The following MTFR1 variants were observed in gnomAD, a reference collection of about 807,000 sequenced individuals.
The protein encoded by MTFR1 is chondrocyte protein with a poly-proline region.
MTFR1 carries 28 observed loss-of-function variants against 38.8 expected under a neutral mutation model. That is an observed-to-expected ratio of 0.72 (90% confidence interval 0.53 to 0.99). The LOEUF (loss-of-function observed/expected upper bound fraction) is 0.99, where lower values mean the gene tolerates loss of function less well. MTFR1 is among the 50% of genes least tolerant of loss of function. MTFR1 has a pLI of 0.00. For missense variants in MTFR1, 358 were observed against 395.5 expected (o/e 0.91, Z 0.81); for synonymous variants, 145 against 137.0 (o/e 1.06, Z -0.41).
At position 65,670,010 on chromosome 8, in the gene MTFR1, A is replaced by G. The variant is rs1424935247; in HGVS notation, c.58A>G (p.Met20Val). The G allele has an allele frequency of 1.2e-6, 2 of 1,604,602 alleles. No individual in the cohort carries two copies. Among genetic ancestry groups the G allele is most frequent in the Non-Finnish European group, 1.7e-6 (2 of 1,178,158 alleles). The part of the protein sequence containing the change: ...RMVFQQVGVS[M>V]QSVLWSRKPY... ...GGTTTTTCAACAAGTTGGAGTAAGCATGCAATCGGTGAGTGCTCAAAATTC... is the reference window on the plus strand; with the variant it reads ...GGTTTTTCAACAAGTTGGAGTAAGCGTGCAATCGGTGAGTGCTCAAAATTC... Residue 20 changes from methionine to valine, a missense_variant, in exon 2 of 8, where the codon ATG becomes GTG. Met to Val is a conservative substitution (Grantham distance 21, BLOSUM62 1). Transcript: ENST00000262146.
At chr8:65,729,364 CTTTTTT>C (rs10540107) in intron 3 of MTFR1, among the ~76,000 whole-genome samples, 36 of 80,078 alleles carry the variant, frequency 4.5e-4, no homozygotes, top group Non-Finnish European at 6.0e-4. Context: ...TTGGTGGTAG[CTTTTTT>C]TTTTTTTTTT....
downstream of MTFR1, among the ~76,000 whole-genome samples, chr8:65,774,846 C>G (rs563770040): frequency 6.6e-6 from 1 of 152,086 alleles, no homozygotes; most frequent in Non-Finnish European, 1.5e-5. Context: ...TGCTAATACA[C>G]TGAATTTACT....
chr8:65,669,898 A>G lies in MTFR1; in HGVS notation c.-55A>G. On this transcript the variant is annotated 5_prime_UTR_variant, in exon 2 of 8. It removes an upstream start codon present in the reference 5' UTR. Transcript: ENST00000262146. ...TGTGTTTTATGGACCATGTGCTGCT[A>G]TGTATGCCTGAAGAAGTACTTGAAA... The G allele has an allele frequency of 7.3e-7, 1 of 1,364,476 alleles. No individual in the cohort carries two copies. Among genetic ancestry groups the G allele is most frequent in the Non-Finnish European group, 1.0e-6 (1 of 964,652 alleles). The allele number at this position is 1,364,476 out of a possible 1,614,324, so 84.5% of individuals were successfully genotyped here.
At chr8:65,736,481 A>G (rs1321513197) in intron 3 of MTFR1, among the ~76,000 whole-genome samples, 3 of 152,166 alleles carry the variant, frequency 2.0e-5, no homozygotes, top group Non-Finnish European at 2.9e-5. Flanking sequence ...GGCCAGGTGC[A>G]CTGCCTCACA....
chr8:65,762,251 C>G (rs1808534126), intron 3 of MTFR1, among the ~76,000 whole-genome samples: 1 of 152,114 alleles, frequency 6.6e-6, no homozygotes, highest in Non-Finnish European at 1.5e-5. Flanking sequence ...TCAAAAAGAA[C>G]AGGAGTGGTA....
chr8:65,708,203 CT>C, intron 7 of MTFR1, 192 bp downstream of exon 7: 2 of 1,112,682 alleles, frequency 1.8e-6, no homozygotes, highest in Non-Finnish European at 2.5e-6. Context: ...AGCATTTACA[CT>C]TTTACTTTTC....
At chr8:65,663,827 T>C (rs1368659433) in intron 1 of MTFR1, among the ~76,000 whole-genome samples, 14 of 142,840 alleles carry the variant, frequency 9.8e-5, no homozygotes, top group African/African-American at 2.3e-4. Flanking sequence ...CTTTTCTTTT[T>C]TTTTTTTTTT....
At chr8:65,667,752 C>G (rs1350086960) in intron 1 of MTFR1, among the ~76,000 whole-genome samples, 1 of 152,126 alleles carries the variant, frequency 6.6e-6, no homozygotes, top group Admixed American at 6.6e-5. Flanking sequence ...TCTAAAACAA[C>G]TATTCTACCA....
intron 4 of MTFR1, among the ~76,000 whole-genome samples, chr8:65,700,183 T>G (rs1265748604): frequency 2.0e-5 from 3 of 151,550 alleles, no homozygotes; most frequent in Non-Finnish European, 4.4e-5. Context: ...AAACCCCATC[T>G]CTACAAAAAA....
At chr8:65,758,637 T>C (rs946634566) in intron 3 of MTFR1, among the ~76,000 whole-genome samples, 3 of 152,228 alleles carry the variant, frequency 2.0e-5, no homozygotes, top group Non-Finnish European at 4.4e-5. Context: ...AGTGTTTCAA[T>C]TGCCATTTCT....
intron 3 of MTFR1, among the ~76,000 whole-genome samples, chr8:65,760,489 G>A (rs1051427653): frequency 6.6e-6 from 1 of 152,148 alleles, no homozygotes; most frequent in Non-Finnish European, 1.5e-5. Flanking sequence ...GAATAGGAGT[G>A]CACTTCAATA....
At chr8:65,740,409 T>G (rs1807362425) in intron 3 of MTFR1, among the ~76,000 whole-genome samples, 1 of 152,124 alleles carries the variant, frequency 6.6e-6, no homozygotes, top group African/African-American at 2.4e-5. Flanking sequence ...TTTCCTTTTC[T>G]TTCTTTTTTG....
chr8:65,675,287 C>T (rs1031008976), intron 2 of MTFR1, among the ~76,000 whole-genome samples: 10 of 150,076 alleles, frequency 6.7e-5, no homozygotes, highest in East Asian at 2.0e-4. Context: ...AGCAAGACTC[C>T]GTCTCAAAAA....
downstream of MTFR1, among the ~76,000 whole-genome samples, chr8:65,772,395 A>T (rs1396628919): frequency 6.6e-6 from 1 of 152,214 alleles, no homozygotes; most frequent in Non-Finnish European, 1.5e-5. Flanking sequence ...GTACCTCTGA[A>T]GGTTTAAACA....
intron 1 of MTFR1, among the ~76,000 whole-genome samples, chr8:65,646,757 A>G (rs1808974366): frequency 1.3e-5 from 2 of 152,242 alleles, no homozygotes; most frequent in African/African-American, 4.8e-5. Context: ...AGGAAAATAT[A>G]CATCAATGAA....
intron 2 of MTFR1, among the ~76,000 whole-genome samples, chr8:65,673,521 G>A (rs1457730272): frequency 2.6e-5 from 4 of 151,716 alleles, no homozygotes; most frequent in Non-Finnish European, 5.9e-5. Flanking sequence ...GGGTTGATGG[G>A]TGCAGCAAAC....
chr8:65,736,868 G>A (rs1807161565), intron 3 of MTFR1, among the ~76,000 whole-genome samples: 1 of 139,310 alleles, frequency 7.2e-6, no homozygotes, highest in South Asian at 2.4e-4. Context: ...TCATTTGGCT[G>A]TACATTCTTG....
At chr8:65,704,471 G>A (rs1198467482) in intron 4 of MTFR1, among the ~76,000 whole-genome samples, 1 of 152,210 alleles carries the variant, frequency 6.6e-6, no homozygotes, top group African/African-American at 2.4e-5. Flanking sequence ...ATTATGTAGA[G>A]ATTGACTAAG....
At chr8:65,684,361 T>C (rs571111403) in intron 3 of MTFR1, among the ~76,000 whole-genome samples, 49 of 152,156 alleles carry the variant, frequency 3.2e-4, no homozygotes, top group Admixed American at 1.2e-3. Context: ...TTTATAGTTA[T>C]AGATTTGTAT....
Sources: gnomAD v4.1 joint callset for allele counts (sites outside exome capture counted in the v4.1 genomes callset) on GRCh38, gnomAD v4.1.1 for gene constraint, MANE v1.5 for transcripts, NCBI Gene and HGNC (gene_info 2026-07-23, HGNC 2026-07-21) for gene names.